The following DGKB variants were observed in gnomAD, a reference collection of about 807,000 sequenced individuals.
DGKB encodes the protein 90 kDa diacylglycerol kinase.
Under a neutral mutation model 114.3 loss-of-function variants are expected in DGKB, and 67 were observed. The ratio of observed to expected loss-of-function variants is 0.59; its 90% CI spans 0.48 to 0.72. The LOEUF is 0.72. Among genes scored for constraint, DGKB ranks in the 30% least tolerant of loss-of-function variants. The probability of loss-of-function intolerance (pLI) is 0.00; values close to 1 mark genes in which losing one functional copy is unlikely to be tolerated. For synonymous variants in DGKB, 398 were observed against 323.1 expected (o/e 1.23, Z -2.49); for missense variants, 907 against 975.2 (o/e 0.93, Z 0.93).
At chr7:14,841,923 A>G (rs904394647) in intron 1 of DGKB, among the ~76,000 whole-genome samples, 1 of 152,234 alleles carries the variant, frequency 6.6e-6, no homozygotes, top group African/African-American at 2.4e-5. Flanking sequence ...TATGATTTAA[A>G]AAAATTCAAA....
intron 23 of DGKB, among the ~76,000 whole-genome samples, chr7:14,326,146 T>C (rs1486529283): frequency 6.6e-6 from 1 of 151,840 alleles, no homozygotes; most frequent in Admixed American, 6.6e-5. Context: ...AAAACCTGTG[T>C]GTAAGAAACT....
At chr7:14,604,929 A>G (rs943714348) in intron 17 of DGKB, among the ~76,000 whole-genome samples, 2 of 152,162 alleles carry the variant, frequency 1.3e-5, no homozygotes, top group Admixed American at 1.3e-4. Context: ...ATCAGAGGCA[A>G]ACAGGACATT....
At chr7:14,380,076 T>C (rs1463720558) in intron 21 of DGKB, among the ~76,000 whole-genome samples, 1 of 152,208 alleles carries the variant, frequency 6.6e-6, no homozygotes, top group Non-Finnish European at 1.5e-5. Context: ...ATTATAGTTA[T>C]GTCCCCATTG....
intron 13 of DGKB, among the ~76,000 whole-genome samples, chr7:14,656,753 T>TACACACACAC (rs56208974): frequency 0.012 from 1,822 of 149,310 alleles, 42 homozygotes; most frequent in African/African-American, 0.041. Context: ...ATAGGATATA[T>TACACACACAC]ACACACACAC....
At chr7:14,246,595 G>A (rs560719579) in intron 23 of DGKB, among the ~76,000 whole-genome samples, 51 of 152,184 alleles carry the variant, frequency 3.4e-4, no homozygotes, top group African/African-American at 1.2e-3. Flanking sequence ...ACTCAATTTT[G>A]TTGTTGTTGT....
At chr7:14,760,177 C>A (rs139882772) in intron 2 of DGKB, among the ~76,000 whole-genome samples, 284 of 152,090 alleles carry the variant, frequency 1.9e-3, no homozygotes, top group African/African-American at 6.8e-3. Flanking sequence ...TATACAGCTT[C>A]CTATGTATTT....
At chr7:14,923,458 C>A (rs1784605152) in intron 1 of DGKB, among the ~76,000 whole-genome samples, 1 of 152,124 alleles carries the variant, frequency 6.6e-6, no homozygotes, top group Non-Finnish European at 1.5e-5. Flanking sequence ...CTTTTCCACT[C>A]AAAGCTCTGT....
intron 21 of DGKB, among the ~76,000 whole-genome samples, chr7:14,350,620 ATTTGT>A (rs772381442): frequency 2.8e-4 from 42 of 151,626 alleles, no homozygotes; most frequent in Non-Finnish European, 1.0e-4. Flanking sequence ...TTACAGGTGC[ATTTGT>A]TTTATTATTT....
chr7:14,634,993 A>T (rs1374720208), intron 13 of DGKB, among the ~76,000 whole-genome samples: 1 of 151,594 alleles, frequency 6.6e-6, no homozygotes, highest in African/African-American at 2.4e-5. Flanking sequence ...AAGACACTGA[A>T]AAGAAACATA....
chr7:14,664,363 T>G (rs115223035), intron 13 of DGKB, among the ~76,000 whole-genome samples: 1,983 of 152,124 alleles, frequency 0.013, 40 homozygotes, highest in African/African-American at 0.045. Context: ...GATACTCTCA[T>G]ATCTCTTCTG....
At chr7:14,553,865 C>CTTTTTTTTTTTTTTTTTTT (rs58879064) in intron 20 of DGKB, among the ~76,000 whole-genome samples, 1 of 71,208 alleles carries the variant, frequency 1.4e-5, no homozygotes. Context: ...CCTTTACATG[C>CTTTTTTTTTTTTTTTTTTT]TTTTTTTTTT....
chr7:14,829,656 T>G (rs1846150966), intron 2 of DGKB, among the ~76,000 whole-genome samples: 1 of 152,130 alleles, frequency 6.6e-6, no homozygotes, highest in Non-Finnish European at 1.5e-5. Context: ...TTAATGGTGT[T>G]ATTTTTAAAT....
intron 20 of DGKB, among the ~76,000 whole-genome samples, chr7:14,499,084 A>C (rs1563330100): frequency 6.6e-6 from 1 of 151,818 alleles, no homozygotes; most frequent in Non-Finnish European, 1.5e-5. Flanking sequence ...ATCATTCTAA[A>C]AAGATAACTC....
chr7:14,399,236 T>A (rs1443276090), intron 21 of DGKB, among the ~76,000 whole-genome samples: 2 of 151,888 alleles, frequency 1.3e-5, no homozygotes, highest in African/African-American at 2.4e-5. Context: ...TGAAAGCATT[T>A]GGTACAGAAA....
chr7:14,855,491 G>A (rs1157614178), intron 1 of DGKB, among the ~76,000 whole-genome samples: 1 of 152,032 alleles, frequency 6.6e-6, no homozygotes, highest in African/African-American at 2.4e-5. Context: ...AGACATAGCT[G>A]ACCTCCAACC....
At chr7:14,363,202 A>T (rs1816059260) in intron 21 of DGKB, among the ~76,000 whole-genome samples, 1 of 152,160 alleles carries the variant, frequency 6.6e-6, no homozygotes, top group South Asian at 2.1e-4. Flanking sequence ...ATTGCTGATT[A>T]AAGCCACTAA....
chr7:14,747,774 C>CAT (rs777972710), intron 4 of DGKB, among the ~76,000 whole-genome samples: 4 of 125,938 alleles, frequency 3.2e-5, no homozygotes, highest in East Asian at 5.9e-4. Flanking sequence ...CACATCCACG[C>CAT]GCACGCACAC....
intron 25 of DGKB, among the ~76,000 whole-genome samples, chr7:14,164,192 A>G (rs1421219538): frequency 1.3e-5 from 2 of 152,166 alleles, no homozygotes; most frequent in African/African-American, 2.4e-5. Flanking sequence ...TACTGTTTAC[A>G]TATGGGTTAG....
intron 2 of DGKB, among the ~76,000 whole-genome samples, chr7:14,820,431 C>A (rs1475996930): frequency 7.9e-5 from 12 of 152,108 alleles, no homozygotes; most frequent in Admixed American, 7.9e-4. Flanking sequence ...TATGCAACCC[C>A]TGGCAATGGT....
Sources: gnomAD v4.1 joint callset for allele counts (sites outside exome capture counted in the v4.1 genomes callset) on GRCh38, gnomAD v4.1.1 for gene constraint, MANE v1.5 for transcripts, NCBI Gene and HGNC (gene_info 2026-07-23, HGNC 2026-07-21) for gene names.